Variants in SEMA3A observed in about 807,000 individuals in gnomAD.
SEMA3A encodes the protein semaphorin 3A, also known as semaphorin-3A.
Under a neutral mutation model 97.9 loss-of-function variants are expected in SEMA3A, and 29 were observed. The ratio of observed to expected loss-of-function variants is 0.30; its 90% CI spans 0.22 to 0.40. SEMA3A has a LOEUF of 0.40. Ranked by LOEUF, SEMA3A falls within the 10% of genes least tolerant of loss-of-function variation. SEMA3A has a pLI of 1.00. For synonymous variants in SEMA3A, 321 were observed against 323.7 expected (o/e 0.99, Z 0.09); for missense variants, 763 against 951.3 (o/e 0.80, Z 2.60).
intron 3 of SEMA3A, among the ~76,000 whole-genome samples, chr7:84,209,982 AG>A (rs1026151029): frequency 4.6e-5 from 7 of 152,108 alleles, no homozygotes; most frequent in African/African-American, 1.7e-4. Flanking sequence ...TTTTTTCCTA[AG>A]GGGATCATTA....
chr7:84,309,432 C>A (rs1403777382), intron 2 of SEMA3A, among the ~76,000 whole-genome samples: 2 of 152,064 alleles, frequency 1.3e-5, no homozygotes, highest in Non-Finnish European at 2.9e-5. Flanking sequence ...TCAGTGGGAG[C>A]AGAGAGATGG....
intron 1 of SEMA3A, among the ~76,000 whole-genome samples, chr7:84,143,474 T>C (rs549521065): frequency 6.6e-6 from 1 of 152,184 alleles, no homozygotes; most frequent in South Asian, 2.1e-4. Flanking sequence ...TAACAAATCA[T>C]AGAGATTGCA....
At chr7:84,371,564 C>T (rs909646237) in intron 2 of SEMA3A, among the ~76,000 whole-genome samples, 1 of 151,510 alleles carries the variant, frequency 6.6e-6, no homozygotes, top group African/African-American at 2.4e-5. Context: ...TAATTATATC[C>T]ATCTCATTAC....
chr7:84,048,990 AC>A (rs1792477004), intron 5 of SEMA3A, among the ~76,000 whole-genome samples: 1 of 152,116 alleles, frequency 6.6e-6, no homozygotes, highest in Non-Finnish European at 1.5e-5. Flanking sequence ...TATTAGACAG[AC>A]AAAAATCAAT....
chr7:84,210,503 A>C (rs1321811107), intron 3 of SEMA3A, among the ~76,000 whole-genome samples: 2 of 152,178 alleles, frequency 1.3e-5, no homozygotes, highest in Non-Finnish European at 2.9e-5. Flanking sequence ...ATTGCAAATA[A>C]ATAGGAGAGA....
chr7:84,141,390 G>T (rs1796287237), intron 1 of SEMA3A, among the ~76,000 whole-genome samples: 1 of 152,052 alleles, frequency 6.6e-6, no homozygotes. Flanking sequence ...TTGTCCCTTT[G>T]TATTTGTTGA....
chr7:84,072,798 T>C (rs1453585802), intron 4 of SEMA3A, among the ~76,000 whole-genome samples: 2 of 152,160 alleles, frequency 1.3e-5, no homozygotes, highest in Admixed American at 1.3e-4. Context: ...GCTATTTTCA[T>C]TTAACATTTA....
chr7:83,989,329 TTTG>T (rs1397979378), intron 12 of SEMA3A, among the ~76,000 whole-genome samples: 5 of 152,144 alleles, frequency 3.3e-5, no homozygotes, highest in Admixed American at 2.0e-4. Flanking sequence ...ATTATTATTT[TTTG>T]TTCTTTTAAG....
chr7:84,337,147 G>C (rs1011519105), intron 2 of SEMA3A, among the ~76,000 whole-genome samples: 1 of 152,112 alleles, frequency 6.6e-6, no homozygotes, highest in Non-Finnish European at 1.5e-5. Context: ...TTGATATGAG[G>C]ATTAACATGA....
chr7:84,454,346 C>A (rs943638142), intron 1 of SEMA3A, among the ~76,000 whole-genome samples: 3 of 152,118 alleles, frequency 2.0e-5, no homozygotes, highest in African/African-American at 7.2e-5. Context: ...TAAGTCATTT[C>A]TTGGCCTTGT....
intron 1 of SEMA3A, among the ~76,000 whole-genome samples, chr7:84,139,325 T>C (rs1178405091): frequency 6.6e-6 from 1 of 152,072 alleles, no homozygotes. Flanking sequence ...TTTCTCTGGT[T>C]GAGAGATTAC....
chr7:84,039,189 C>T (rs1207644194), intron 6 of SEMA3A, among the ~76,000 whole-genome samples: 1 of 152,122 alleles, frequency 6.6e-6, no homozygotes, highest in Non-Finnish European at 1.5e-5. Flanking sequence ...ACCCTATATA[C>T]ACTGTCTCAT....
intron 3 of SEMA3A, among the ~76,000 whole-genome samples, chr7:84,234,804 C>G (rs115886514): frequency 1.3e-5 from 2 of 151,834 alleles, no homozygotes; most frequent in African/African-American, 2.4e-5. Flanking sequence ...TCATTCTGAC[C>G]TTCTGCCTGC....
intron 5 of SEMA3A, among the ~76,000 whole-genome samples, chr7:84,050,484 T>C (rs940271323): frequency 6.6e-6 from 1 of 152,054 alleles, no homozygotes; most frequent in Non-Finnish European, 1.5e-5. Flanking sequence ...TTTTCATGTG[T>C]TTTTTGGCTG....
intron 15 of SEMA3A, among the ~76,000 whole-genome samples, chr7:83,976,433 A>G (rs1346260492): frequency 6.6e-6 from 1 of 152,108 alleles, no homozygotes; most frequent in African/African-American, 2.4e-5. Context: ...AGCAGAGGGA[A>G]GCATAACCTC....
intron 1 of SEMA3A, among the ~76,000 whole-genome samples, chr7:84,174,716 T>C (rs554754010): frequency 7.8e-4 from 119 of 152,274 alleles, no homozygotes; most frequent in African/African-American, 2.7e-3. Context: ...AATAAAGAGA[T>C]AGAACAAATG....
chr7:84,273,955 C>T (rs1267515324), intron 3 of SEMA3A, among the ~76,000 whole-genome samples: 1 of 151,874 alleles, frequency 6.6e-6, no homozygotes, highest in Non-Finnish European at 1.5e-5. Context: ...ATTTGTTAAT[C>T]TTATTCTTTT....
chr7:84,475,280 TTA>T (rs1248857656), intron 1 of SEMA3A, among the ~76,000 whole-genome samples: 1 of 152,190 alleles, frequency 6.6e-6, no homozygotes, highest in East Asian at 1.9e-4. Flanking sequence ...TTCTGTCTGC[TTA>T]TATGTTTGTT....
chr7:84,325,546 G>T (rs1801755981), intron 2 of SEMA3A, among the ~76,000 whole-genome samples: 1 of 151,818 alleles, frequency 6.6e-6, no homozygotes, highest in South Asian at 2.1e-4. Flanking sequence ...TGGCTGCAGT[G>T]GTCCAAGCTA....
Sources: allele counts gnomAD v4.1 joint callset (sites outside exome capture counted in the v4.1 genomes callset), GRCh38; gene constraint gnomAD v4.1.1; transcripts MANE v1.5; gene names NCBI Gene and HGNC (gene_info 2026-07-23, HGNC 2026-07-21).